Variants in SLC24A2 observed in about 807,000 individuals in gnomAD.
SLC24A2 encodes solute carrier family 24 member 2.
In SLC24A2, 36 loss-of-function variants were observed where a neutral mutation model predicts 62.0. The observed-to-expected ratio is 0.58, with a 90% CI of 0.44 to 0.77. SLC24A2 has a LOEUF of 0.77. SLC24A2 is among the 30% of genes least tolerant of loss of function. The probability of loss-of-function intolerance (pLI) is 0.00; values close to 1 mark genes in which losing one functional copy is unlikely to be tolerated. For synonymous variants in SLC24A2, 358 were observed against 294.0 expected (o/e 1.22, Z -2.23); for missense variants, 846 against 817.9 (o/e 1.03, Z -0.42).
In SLC24A2 at chr9:19,788,927, C is replaced by G; in HGVS notation, c.-196G>C. The G allele has an allele frequency of 2.0e-6, 2 of 985,128 alleles. No homozygotes were observed. Among genetic ancestry groups the G allele is most frequent in the Non-Finnish European group, 2.4e-6 (2 of 829,678 alleles). The allele number at this position is 985,128 out of a possible 1,614,324, so 61.0% of individuals were successfully genotyped here. On this transcript the variant is annotated 5_prime_UTR_variant, in exon 1 of 11. Transcript: ENST00000341998. ...ACGCGCACACGGCGGGGCCCCCGAG[C>G]GCGGCCCGCCGCTCCAGTCCGCCGG...
chr9:19,668,901 AAGTACATAGTACTATTC>A (rs1209880186), intron 2 of SLC24A2, among the ~76,000 whole-genome samples: 5 of 152,310 alleles, frequency 3.3e-5, no homozygotes, highest in East Asian at 1.9e-4. Context: ...ATGTATATAA[AAGTACATAGTACTATTC>A]AGTACATAGT....
At chr9:20,000,434 G>A in the SLC24A2 span, among the ~76,000 whole-genome samples, 40 of 152,150 alleles carry the variant, frequency 2.6e-4, no homozygotes, top group Non-Finnish European at 4.4e-5. Context: ...TGGAGTTTCA[G>A]AGACTTTTGT....
At chr9:20,015,492 G>C in the SLC24A2 span, among the ~76,000 whole-genome samples, 1 of 152,316 alleles carries the variant, frequency 6.6e-6, no homozygotes, top group East Asian at 1.9e-4. Context: ...CTGACCTTCT[G>C]AGAGTAAATA....
the SLC24A2 span, among the ~76,000 whole-genome samples, chr9:20,174,261 G>A: frequency 2.5e-3 from 376 of 151,988 alleles, 2 homozygotes; most frequent in Non-Finnish European, 3.9e-3. Context: ...AGATAATGTC[G>A]GAAAAACCCT....
intron 2 of SLC24A2, among the ~76,000 whole-genome samples, chr9:19,717,697 T>A (rs1404360004): frequency 6.6e-6 from 1 of 152,208 alleles, no homozygotes; most frequent in African/African-American, 2.4e-5. Context: ...TTGCTTGAGA[T>A]TCTAAATTTT....
intron 7 of SLC24A2, among the ~76,000 whole-genome samples, chr9:19,556,992 A>C (rs1020044524): frequency 2.6e-5 from 4 of 152,184 alleles, no homozygotes; most frequent in African/African-American, 4.8e-5. Context: ...CCCCAAGAAA[A>C]GGAGCTCCAG....
At chr9:19,959,525 A>T in the SLC24A2 span, among the ~76,000 whole-genome samples, 1 of 152,200 alleles carries the variant, frequency 6.6e-6, no homozygotes, top group Non-Finnish European at 1.5e-5. Context: ...ACCTTTTGAA[A>T]ACTCTTACTG....
At chr9:20,015,017 C>T in the SLC24A2 span, among the ~76,000 whole-genome samples, 1 of 152,014 alleles carries the variant, frequency 6.6e-6, no homozygotes, top group African/African-American at 2.4e-5. Context: ...TATAGTTTGT[C>T]TATCAAAATA....
At chr9:19,813,229 C>T in the SLC24A2 span, among the ~76,000 whole-genome samples, 3 of 152,066 alleles carry the variant, frequency 2.0e-5, no homozygotes, top group African/African-American at 4.8e-5. Flanking sequence ...ATCTCAATCA[C>T]CTCTTGCCCT....
At chr9:20,270,619 A>T in the SLC24A2 span, among the ~76,000 whole-genome samples, 3 of 152,156 alleles carry the variant, frequency 2.0e-5, no homozygotes, top group Non-Finnish European at 1.5e-5. Flanking sequence ...GGTCTCTGCT[A>T]GAGAGGTAAA....
chr9:20,016,403 G>A, the SLC24A2 span, among the ~76,000 whole-genome samples: 1 of 152,136 alleles, frequency 6.6e-6, no homozygotes, highest in Admixed American at 6.5e-5. Context: ...AAAAGTTTGT[G>A]AGGTCAAATT....
Position 19,622,310 on chromosome 9 carries a change from G to A in SLC24A2, c.931-11C>T, listed in dbSNP as rs757481428. ...CCTGGCTGCAGATGGCTGCATAAGA[G>A]AAAAAGGCAAAGACAAAAGACAAAG... is the stretch of plus-strand genomic sequence containing the variant. On this transcript the variant is annotated splice_polypyrimidine_tract_variant and intron_variant, in intron 2 of 10. Coordinates refer to ENST00000341998, the MANE Select transcript of SLC24A2 (RefSeq NM_020344.4). 6.2e-7 allele frequency: 1 copy of A among 1,612,054 alleles called. No individual in the cohort carries two copies. Among genetic ancestry groups the A allele is most frequent in the South Asian group, 1.1e-5 (1 of 90,958 alleles).
intron 7 of SLC24A2, among the ~76,000 whole-genome samples, chr9:19,557,272 G>C (rs917549037): frequency 6.6e-6 from 1 of 152,196 alleles, no homozygotes; most frequent in Non-Finnish European, 1.5e-5. Flanking sequence ...TAAAAGCTAG[G>C]TATAGCAAAC....
chr9:20,090,747 G>C, the SLC24A2 span, among the ~76,000 whole-genome samples: 1 of 152,116 alleles, frequency 6.6e-6, no homozygotes, highest in African/African-American at 2.4e-5. Context: ...CCCACATATA[G>C]AGATGAGAAA....
At chr9:19,782,232 C>A (rs1351607898) in intron 2 of SLC24A2, among the ~76,000 whole-genome samples, 1 of 152,186 alleles carries the variant, frequency 6.6e-6, no homozygotes, top group Admixed American at 6.5e-5. Context: ...AGGCTAGGAG[C>A]ATAGCAAAAT....
At chr9:19,803,338 GAA>G in the SLC24A2 span, among the ~76,000 whole-genome samples, 62 of 152,268 alleles carry the variant, frequency 4.1e-4, 1 homozygote, top group African/African-American at 1.4e-3. Context: ...TTTGAAGAGA[GAA>G]TTGAAAATTG....
At chr9:20,094,313 G>C in the SLC24A2 span, among the ~76,000 whole-genome samples, 3 of 152,090 alleles carry the variant, frequency 2.0e-5, no homozygotes, top group South Asian at 2.1e-4. Context: ...TTACTTGAAA[G>C]AACAACTAAC....
At chr9:20,254,158 C>T in the SLC24A2 span, among the ~76,000 whole-genome samples, 1 of 152,286 alleles carries the variant, frequency 6.6e-6, no homozygotes, top group South Asian at 2.1e-4. Flanking sequence ...ACAACATTCT[C>T]AATTGCAGAA....
the SLC24A2 span, among the ~76,000 whole-genome samples, chr9:19,872,517 A>C: frequency 6.6e-6 from 1 of 151,254 alleles, no homozygotes; most frequent in East Asian, 2.0e-4. Context: ...CTCTCCTCTC[A>C]TTTTCTGTCC....
Sources: allele counts gnomAD v4.1 joint callset (sites outside exome capture counted in the v4.1 genomes callset), GRCh38; gene constraint gnomAD v4.1.1; transcripts MANE v1.5; gene names NCBI Gene and HGNC (gene_info 2026-07-23, HGNC 2026-07-21).